SLC24A3: variants seen among roughly 807,000 people sequenced by gnomAD.
SLC24A3 encodes solute carrier family 24 member 3, also known as sodium/potassium/calcium exchanger 3.
A neutral mutation model predicts 75.8 loss-of-function variants in SLC24A3; 28 were observed. The ratio of observed to expected loss-of-function variants is 0.37; its 90% CI spans 0.27 to 0.51. The LOEUF (loss-of-function observed/expected upper bound fraction) is 0.51. Among genes scored for constraint, SLC24A3 ranks in the 20% least tolerant of loss-of-function variants. SLC24A3 has a pLI of 0.94. For missense variants in SLC24A3, 663 were observed against 847.8 expected (o/e 0.78, Z 2.71); for synonymous variants, 372 against 334.1 (o/e 1.11, Z -1.24).
chr20:19,227,469 C>G (rs532487780), intron 1 of SLC24A3, among the ~76,000 whole-genome samples: 1 of 151,756 alleles, frequency 6.6e-6, no homozygotes, highest in Non-Finnish European at 1.5e-5. Flanking sequence ...TTTTTTCATC[C>G]GCCTATTCTT....
chr20:19,454,941 A>T (rs905371920), intron 2 of SLC24A3, among the ~76,000 whole-genome samples: 2 of 152,188 alleles, frequency 1.3e-5, no homozygotes, highest in Non-Finnish European at 2.9e-5. Context: ...AGCCACTGAG[A>T]ATTATAGACA....
At chr20:19,514,798 A>G (rs1017628486) in intron 2 of SLC24A3, among the ~76,000 whole-genome samples, 17 of 152,176 alleles carry the variant, frequency 1.1e-4, no homozygotes, top group African/African-American at 4.1e-4. Context: ...GAAGGCATGA[A>G]CATCCCTGTG....
intron 1 of SLC24A3, among the ~76,000 whole-genome samples, chr20:19,239,986 G>C (rs1982283783): frequency 6.6e-6 from 1 of 152,160 alleles, no homozygotes; most frequent in South Asian, 2.1e-4. Context: ...CTTCCTGCAG[G>C]CTGCCCAACC....
At chr20:19,320,129 C>T (rs1191586714) in intron 2 of SLC24A3, among the ~76,000 whole-genome samples, 1 of 152,216 alleles carries the variant, frequency 6.6e-6, no homozygotes, top group Non-Finnish European at 1.5e-5. Flanking sequence ...TAAATAAAAG[C>T]TGAGCTGAAG....
intron 3 of SLC24A3, among the ~76,000 whole-genome samples, chr20:19,564,348 T>C (rs778564912): frequency 8.5e-5 from 13 of 152,180 alleles, no homozygotes; most frequent in East Asian, 1.9e-4. Flanking sequence ...ACAAACAGGA[T>C]TGAAGTCCCA....
chr20:19,657,335 A>G (rs1186381543), intron 7 of SLC24A3, among the ~76,000 whole-genome samples: 2 of 152,210 alleles, frequency 1.3e-5, no homozygotes, highest in Non-Finnish European at 2.9e-5. Flanking sequence ...TATTTAGTTC[A>G]ACAGGCTCTT....
chr20:19,530,099 AAG>A lies in SLC24A3; in HGVS notation c.348+14538_348+14539del, dbSNP rs141261913. On this transcript the variant is annotated intron_variant, in intron 3 of 16. Transcript: ENST00000328041. The stretch of plus-strand genomic sequence containing the variant: ...GGCCTTTATTTTTTATTTTTTTAAA[AAG>A]AGTGTTGGAAAGGAAGTAAAAAGCT... Among the ~76,000 whole-genome samples the A allele has an allele frequency of 3.4e-3, 515 of 152,232 alleles. 5 individuals are homozygous for A. The highest frequency in any genetic ancestry group is 0.012 in the African/African-American group (486 of 41,538).
rs533377676 is a variant in SLC24A3 at position 19,419,702 on chromosome 20, G to T, written c.272-95786G>T. ...AGCAGCTGCCCTTTCCTGCCTTCCC[G>T]TGGGAGGCAGTGCTGGAAGCTGCAC... On this transcript the variant is annotated intron_variant, in intron 2 of 16. Transcript: ENST00000328041. 5.9e-5 allele frequency among the ~76,000 whole-genome samples: 9 copies of T among 152,204 alleles called. 1 individual carries two copies. In the South Asian group the frequency reaches 1.9e-3, roughly 32 times the overall value.
At position 19,334,382 on chromosome 20, in the gene SLC24A3, T is replaced by A. The variant is rs11476955; in HGVS notation, c.271+53295T>A. ...AGAAATATCAACACAGTAAAAAAAA[T>A]AAAGAGTGCTATGAAGCATACAAAA... On this transcript the variant is annotated intron_variant, in intron 2 of 16. Coordinates refer to ENST00000328041, the MANE Select transcript of SLC24A3 (RefSeq NM_020689.4). 3.0e-3 allele frequency among the ~76,000 whole-genome samples: 359 copies of A among 117,958 alleles called. 2 individuals carry two copies. Among genetic ancestry groups the A allele is most frequent in the African/African-American group, 0.02 (345 of 17,536 alleles). 77.4% of individuals were successfully genotyped at this position (117,958 alleles called of 152,430 possible). A position where few individuals can be genotyped will look rare whatever the true frequency, so the allele number is the denominator to read the frequency against.
At chr20:19,325,730 ATATGTGTG>A (rs1292581309) in intron 2 of SLC24A3, among the ~76,000 whole-genome samples, 4 of 135,506 alleles carry the variant, frequency 3.0e-5, no homozygotes, top group African/African-American at 9.2e-5. Context: ...GCATATATAT[ATATGTGTG>A]TGTGTGTGTG....
At chr20:19,213,680 C>T (rs1981473227) in intron 1 of SLC24A3, among the ~76,000 whole-genome samples, 1 of 152,252 alleles carries the variant, frequency 6.6e-6, no homozygotes, top group African/African-American at 2.4e-5. Context: ...GTCCGCTCCT[C>T]TACCGGTGCT....
chr20:19,713,447 C>A (rs1260975457), intron 15 of SLC24A3, among the ~76,000 whole-genome samples: 1 of 152,178 alleles, frequency 6.6e-6, no homozygotes, highest in East Asian at 1.9e-4. Context: ...CTCTCTGCTT[C>A]CAACCTCACT....
At position 19,530,427 on chromosome 20, in the gene SLC24A3, T is replaced by C. The variant is rs1019608484; in HGVS notation, c.348+14863T>C. ...GTGGTTAAAGGAGGGAGAATCTGGG[T>C]GGGTGAGGATGTCAGTAGCAACAAC... On this transcript the variant is annotated intron_variant, in intron 3 of 16. Transcript: ENST00000328041. Among the ~76,000 whole-genome samples the C allele has an allele frequency of 3.9e-5, 6 of 152,214 alleles. No homozygotes were observed. In the South Asian group the frequency reaches 8.3e-4, roughly 21 times the overall value.
intron 2 of SLC24A3, among the ~76,000 whole-genome samples, chr20:19,350,113 G>A (rs1466908620): frequency 6.6e-6 from 1 of 152,106 alleles, no homozygotes; most frequent in Admixed American, 6.5e-5. Flanking sequence ...CTTAAGCCAG[G>A]GATTACTGAG....
chr20:19,464,148 C>T (rs1397342427), intron 2 of SLC24A3, among the ~76,000 whole-genome samples: 1 of 152,230 alleles, frequency 6.6e-6, no homozygotes, highest in Non-Finnish European at 1.5e-5. Flanking sequence ...AGGCCTTGCC[C>T]AGCCTTCTCG....
chr20:19,504,642 A>T (rs997810713), intron 2 of SLC24A3, among the ~76,000 whole-genome samples: 3 of 152,238 alleles, frequency 2.0e-5, no homozygotes, highest in African/African-American at 7.2e-5. Flanking sequence ...TAGCAGACAT[A>T]AGAACATGAG....
intron 2 of SLC24A3, among the ~76,000 whole-genome samples, chr20:19,327,321 T>A (rs1317412692): frequency 2.0e-5 from 3 of 152,190 alleles, no homozygotes; most frequent in African/African-American, 7.2e-5. Flanking sequence ...TGTCAAGGCA[T>A]TGGGTTGTCA....
intron 2 of SLC24A3, among the ~76,000 whole-genome samples, chr20:19,329,481 T>C (rs1386708280): frequency 6.6e-6 from 1 of 152,216 alleles, no homozygotes; most frequent in African/African-American, 2.4e-5. Context: ...AAGTCCAGTT[T>C]AGTTCAGCTA....
At chr20:19,646,216 A>G in intron 6 of SLC24A3, among the ~76,000 whole-genome samples, 1 of 152,224 alleles carries the variant, frequency 6.6e-6, no homozygotes, top group East Asian at 1.9e-4. Context: ...ATTTTAATGA[A>G]CACCCAAAAT....
Sources: gnomAD v4.1 joint callset for allele counts (sites outside exome capture counted in the v4.1 genomes callset) on GRCh38, gnomAD v4.1.1 for gene constraint, MANE v1.5 for transcripts, NCBI Gene and HGNC (gene_info 2026-07-23, HGNC 2026-07-21) for gene names.